The following DNAH11 variants were observed in gnomAD, a reference collection of about 807,000 sequenced individuals.
DNAH11 encodes the protein axonemal beta dynein heavy chain 11.
In DNAH11, 442 loss-of-function variants were observed where a neutral mutation model predicts 526.0. That is an observed-to-expected ratio of 0.84 (90% CI 0.78 to 0.91). The LOEUF is 0.91. DNAH11 is among the 40% of genes least tolerant of loss of function. DNAH11 has a pLI of 0.00. For synonymous variants in DNAH11, 2,461 were observed against 1,935.9 expected (o/e 1.27, Z -7.12); for missense variants, 6,989 against 5,448.7 (o/e 1.28, Z -8.90).
intron 7 of DNAH11, among the ~76,000 whole-genome samples, chr7:21,571,028 C>G (rs1001791078): frequency 6.6e-6 from 1 of 152,108 alleles, no homozygotes; most frequent in Non-Finnish European, 1.5e-5. Context: ...CTCGTAATCA[C>G]TTAAATGAGC....
chr7:21,818,611 A>C (rs1229593799), intron 65 of DNAH11, among the ~76,000 whole-genome samples: 2 of 152,150 alleles, frequency 1.3e-5, no homozygotes, highest in Non-Finnish European at 2.9e-5. Context: ...CCTCTTTTTA[A>C]ATTTATACCA....
intron 8 of DNAH11, among the ~76,000 whole-genome samples, chr7:21,579,430 G>C (rs561082919): frequency 6.6e-6 from 1 of 152,182 alleles, no homozygotes. Context: ...TGGGTGCCCG[G>C]TGCTGGAGTA....
At chr7:21,817,622 G>T (rs1326448737) in intron 64 of DNAH11, among the ~76,000 whole-genome samples, 1 of 151,394 alleles carries the variant, frequency 6.6e-6, no homozygotes, top group East Asian at 1.9e-4. Context: ...GAGCCCAGGA[G>T]ATTGAGGCTA....
intron 29 of DNAH11, among the ~76,000 whole-genome samples, chr7:21,657,128 T>C (rs1348581747): frequency 6.6e-6 from 1 of 152,184 alleles, no homozygotes; most frequent in Non-Finnish European, 1.5e-5. Context: ...ATATACAAAT[T>C]CACCCTCTAA....
chr7:21,682,465 G>T (rs892964766), intron 31 of DNAH11, among the ~76,000 whole-genome samples: 1 of 148,660 alleles, frequency 6.7e-6, no homozygotes, highest in Non-Finnish European at 1.5e-5. Context: ...GGCAGAGGTT[G>T]CAGTGAGCCG....
chr7:21,773,963 G>T lies in DNAH11; in HGVS notation c.9300G>T (p.Val3100=). Residue 3100 remains valine, a synonymous_variant, in exon 56 of 82, where the codon GTG becomes GTT. Coordinates refer to ENST00000409508, the MANE Select transcript of DNAH11 (RefSeq NM_001277115.2). The part of the protein sequence containing the change: ...NEVSEKKERL[V]NGIQKLKTTA... ...TATCCGAGAAAAAAGAACGCCTGGT[G>T]AACGGCATCCAAAAGCTAAAAACCA... The T allele has an allele frequency of 6.3e-7, 1 of 1,578,018 alleles. No homozygotes were observed. Among genetic ancestry groups the T allele is most frequent in the Admixed American group, 1.8e-5 (1 of 54,068 alleles).
At chr7:21,682,087 T>G (rs114015436) in intron 31 of DNAH11, among the ~76,000 whole-genome samples, 3 of 152,340 alleles carry the variant, frequency 2.0e-5, no homozygotes, top group African/African-American at 7.2e-5. Flanking sequence ...TTTGATACAT[T>G]TCCCCTTGAA....
At chr7:21,684,053 G>C in intron 32 of DNAH11, 109 bp downstream of exon 32, 1 of 1,164,632 alleles carries the variant, frequency 8.6e-7, no homozygotes, top group Non-Finnish European at 1.2e-6. Flanking sequence ...TGAACTATGT[G>C]AAAGTGGTGA....
chr7:21,871,292 T>G (rs1035381849), intron 73 of DNAH11, among the ~76,000 whole-genome samples: 20 of 152,252 alleles, frequency 1.3e-4, no homozygotes, highest in Admixed American at 9.8e-4. Flanking sequence ...TGACCATTTT[T>G]CATGCATTTC....
intron 9 of DNAH11, among the ~76,000 whole-genome samples, chr7:21,584,208 GA>G (rs1784409186): frequency 6.6e-6 from 1 of 152,188 alleles, no homozygotes; most frequent in African/African-American, 2.4e-5. Flanking sequence ...ACTGGATAAA[GA>G]AAATGTGGCA....
At chr7:21,868,156 G>C in intron 72 of DNAH11, 149 bp downstream of exon 72, 1 of 715,650 alleles carries the variant, frequency 1.4e-6, no homozygotes, top group Non-Finnish European at 2.0e-6. Flanking sequence ...AAAATGTAAA[G>C]CTAATAACCC....
intron 30 of DNAH11, among the ~76,000 whole-genome samples, chr7:21,659,419 G>A (rs57860166): frequency 6.6e-6 from 1 of 151,652 alleles, no homozygotes; most frequent in Admixed American, 6.6e-5. Context: ...CATGGGCTTT[G>A]GTTTTCTGTT....
Position 21,615,239 on chromosome 7 carries a change from C to G in DNAH11, c.3978C>G (p.Leu1326=). Residue 1326 remains leucine, a synonymous_variant, in exon 21 of 82, where the codon CTC becomes CTG. Transcript: ENST00000409508. ...AGTGTCGCAAAGAAATAAAATTGCTCAAGGGACTGTGGGATGTCATTATTT... is the reference window on the plus strand; with the variant it reads ...AGTGTCGCAAAGAAATAAAATTGCTGAAGGGACTGTGGGATGTCATTATTT... ...MKQCRKEIKL[L]KGLWDVIIYV... is the part of the protein sequence containing the mutation. 4 of 1,613,348 alleles carry G rather than the reference C, an allele frequency of 2.5e-6. No homozygotes were observed. The highest frequency in any genetic ancestry group is 3.4e-6 in the Non-Finnish European group (4 of 1,179,560).
intron 30 of DNAH11, among the ~76,000 whole-genome samples, chr7:21,666,573 A>G (rs913279110): frequency 1.3e-5 from 2 of 152,118 alleles, no homozygotes; most frequent in African/African-American, 4.8e-5. Flanking sequence ...CAGTATACAT[A>G]TAAGAAAGAG....
At chr7:21,665,896 A>G (rs1325019773) in intron 30 of DNAH11, among the ~76,000 whole-genome samples, 1 of 152,134 alleles carries the variant, frequency 6.6e-6, no homozygotes, top group Admixed American at 6.6e-5. Context: ...TTGGGTCATG[A>G]GAAATGTTTG....
chr7:21,713,295 C>A (rs1207192786), intron 42 of DNAH11, among the ~76,000 whole-genome samples: 1 of 152,120 alleles, frequency 6.6e-6, no homozygotes, highest in African/African-American at 2.4e-5. Context: ...TCTGTATGGA[C>A]CACATTAGTG....
At chr7:21,607,406 C>T (rs771649596) in intron 20 of DNAH11, among the ~76,000 whole-genome samples, 1 of 152,162 alleles carries the variant, frequency 6.6e-6, no homozygotes, top group Non-Finnish European at 1.5e-5. Context: ...ATCACCCTCA[C>T]AGACACACCC....
chr7:21,555,853 C>G (rs1320434948), intron 2 of DNAH11, among the ~76,000 whole-genome samples: 2 of 152,148 alleles, frequency 1.3e-5, no homozygotes, highest in East Asian at 1.9e-4. Context: ...GAGTCCTTCT[C>G]TGCACAGGCA....
intron 29 of DNAH11, among the ~76,000 whole-genome samples, chr7:21,658,110 G>A (rs1344102985): frequency 6.6e-6 from 1 of 151,876 alleles, no homozygotes. Context: ...TGAACAGGAT[G>A]GAAACTGGGC....
Sources: gnomAD v4.1 joint callset for allele counts (sites outside exome capture counted in the v4.1 genomes callset) on GRCh38, gnomAD v4.1.1 for gene constraint, MANE v1.5 for transcripts, NCBI Gene and HGNC (gene_info 2026-07-23, HGNC 2026-07-21) for gene names.